UBASH3B: variants seen among roughly 807,000 people sequenced by gnomAD.
UBASH3B encodes ubiquitin associated and SH3 domain containing B, also known as ubiquitin-associated and SH3 domain-containing protein B.
UBASH3B carries 37 observed loss-of-function variants against 83.4 expected under a neutral mutation model. That is an observed-to-expected ratio of 0.44 (90% CI 0.34 to 0.58). The LOEUF is 0.58. Ranked by LOEUF, UBASH3B falls within the 20% of genes least tolerant of loss-of-function variation. UBASH3B has a pLI of 0.01. For synonymous variants in UBASH3B, 304 were observed against 318.3 expected (o/e 0.96, Z 0.48); for missense variants, 657 against 827.2 (o/e 0.79, Z 2.52).
intron 1 of UBASH3B, among the ~76,000 whole-genome samples, chr11:122,710,493 A>T (rs1864177467): frequency 6.6e-6 from 1 of 152,234 alleles, no homozygotes; most frequent in South Asian, 2.1e-4. Flanking sequence ...GCTCAGGGAC[A>T]TTAAGGACCA....
At chr11:122,724,561 G>A (rs1860698254) in intron 1 of UBASH3B, among the ~76,000 whole-genome samples, 1 of 152,166 alleles carries the variant, frequency 6.6e-6, no homozygotes, top group Non-Finnish European at 1.5e-5. Flanking sequence ...GGACTGCGGG[G>A]ACACAGAGGA....
intron 1 of UBASH3B, among the ~76,000 whole-genome samples, chr11:122,757,859 G>A (rs949835833): frequency 2.6e-5 from 4 of 151,872 alleles, no homozygotes; most frequent in South Asian, 2.1e-4. Flanking sequence ...GATTACAGGC[G>A]CCTGCCACCA....
At chr11:122,683,758 TGTGTGTGTGTGTGTGTGTGA>T (rs1863775006) in intron 1 of UBASH3B, among the ~76,000 whole-genome samples, 1 of 75,830 alleles carries the variant, frequency 1.3e-5, no homozygotes, top group South Asian at 4.7e-4. Context: ...TGTGTGTGTG[TGTGTGTGTGTGTGTGTGTGA>T]GCCAGGTTTC....
chr11:122,806,606 T>A lies in UBASH3B; in HGVS notation c.1702+90T>A, dbSNP rs1419207529. 42 of 1,380,748 alleles carry A rather than the reference T, an allele frequency of 3.0e-5. No individual in the cohort carries two copies. Among genetic ancestry groups the A allele is most frequent in the Non-Finnish European group, 3.8e-5 (40 of 1,065,212 alleles). 85.5% of individuals were successfully genotyped at this position (1,380,748 alleles called of 1,614,324 possible). On this transcript the variant is annotated intron_variant, in intron 12 of 13. Transcript: ENST00000284273. This position sits in a 1 kb window ranked among gnomAD's most constrained non-coding sequence, Gnocchi z 4.0. Reference sequence around the variant, plus strand: ...GTTATTCAAGATGTTTCAACTTGCTTTGGCTAACCAAAGAAATGTATTTCC... The same window carrying A: ...GTTATTCAAGATGTTTCAACTTGCTATGGCTAACCAAAGAAATGTATTTCC...
intron 1 of UBASH3B, among the ~76,000 whole-genome samples, chr11:122,687,438 C>T (rs1863823185): frequency 6.6e-6 from 1 of 152,228 alleles, no homozygotes; most frequent in South Asian, 2.1e-4. Flanking sequence ...CACTGGGCGT[C>T]CAGTGGGGAG....
intron 1 of UBASH3B, among the ~76,000 whole-genome samples, chr11:122,710,138 A>G (rs950303017): frequency 6.8e-6 from 1 of 147,034 alleles, no homozygotes; most frequent in African/African-American, 2.6e-5. Flanking sequence ...CCTGGGCGAC[A>G]GAGTGAGACT....
chr11:122,665,942 G>A (rs929091344), intron 1 of UBASH3B, among the ~76,000 whole-genome samples: 2 of 152,138 alleles, frequency 1.3e-5, no homozygotes, highest in Non-Finnish European at 2.9e-5. Context: ...GACACTTCCC[G>A]TTGTGCTCCC....
chr11:122,688,995 C>A (rs1863850641), intron 1 of UBASH3B, among the ~76,000 whole-genome samples: 1 of 144,130 alleles, frequency 6.9e-6, no homozygotes, highest in African/African-American at 2.7e-5. Context: ...GGGGGGGGTT[C>A]CACCATATTG....
intron 1 of UBASH3B, among the ~76,000 whole-genome samples, chr11:122,700,243 C>T (rs1000316455): frequency 1.3e-5 from 2 of 152,142 alleles, no homozygotes; most frequent in Non-Finnish European, 2.9e-5. Context: ...AGCACAAAGT[C>T]CCCAGTGCTG....
At chr11:122,778,842 T>A (rs753810134) in intron 3 of UBASH3B, among the ~76,000 whole-genome samples, 1 of 152,156 alleles carries the variant, frequency 6.6e-6, no homozygotes, top group Non-Finnish European at 1.5e-5. Flanking sequence ...AGTCCTCAAG[T>A]GATCTGCCCG....
At chr11:122,783,372 TCTGCTTGCCTCACTGGGAGGCTTC>T (rs1860892281) in intron 5 of UBASH3B, 150 bp downstream of exon 5, 7 of 942,600 alleles carry the variant, frequency 7.4e-6, no homozygotes, top group Non-Finnish European at 7.6e-6. Context: ...GTGTCCAGCC[TCTGCTTGCCTCACTGGGAGGCTTC>T]CAGCTTGCCT....
At chr11:122,800,470 C>T (rs1352882973) in intron 10 of UBASH3B, among the ~76,000 whole-genome samples, 1 of 150,746 alleles carries the variant, frequency 6.6e-6, no homozygotes, top group Non-Finnish European at 1.5e-5. Context: ...AGGAGAATTG[C>T]TTGAACCCAG....
intron 1 of UBASH3B, among the ~76,000 whole-genome samples, chr11:122,755,788 CTATT>C (rs1266635741): frequency 6.6e-6 from 1 of 152,144 alleles, no homozygotes; most frequent in Non-Finnish European, 1.5e-5. Context: ...GATTGGGTAT[CTATT>C]AAGATAAAAA....
chr11:122,743,950 C>T (rs1280046228), intron 1 of UBASH3B, among the ~76,000 whole-genome samples: 1 of 152,202 alleles, frequency 6.6e-6, no homozygotes, highest in East Asian at 1.9e-4. Context: ...ATCAGGGTGG[C>T]TGCATCAGAC....
intron 1 of UBASH3B, among the ~76,000 whole-genome samples, chr11:122,656,660 T>G (rs1300399472): frequency 6.6e-6 from 1 of 152,174 alleles, no homozygotes; most frequent in South Asian, 2.1e-4. Context: ...GGCGGGAGAC[T>G]GCGGGGCAGG....
intron 10 of UBASH3B, among the ~76,000 whole-genome samples, chr11:122,799,895 T>C (rs1861222232): frequency 1.3e-5 from 2 of 152,138 alleles, no homozygotes; most frequent in Admixed American, 1.3e-4. Flanking sequence ...TACCAAGAAA[T>C]GAATGAGCCA....
intron 5 of UBASH3B, 31 bp downstream of exon 5, chr11:122,783,253 C>T: frequency 6.2e-7 from 1 of 1,605,974 alleles, no homozygotes; most frequent in Non-Finnish European, 8.5e-7. Context: ...CAGAAGCTAC[C>T]AGGTGCAGGG....
chr11:122,685,675 C>T (rs1329086937), intron 1 of UBASH3B, among the ~76,000 whole-genome samples: 1 of 152,074 alleles, frequency 6.6e-6, no homozygotes, highest in African/African-American at 2.4e-5. Flanking sequence ...TGCCACAATG[C>T]CCAGCTAATT....
intron 1 of UBASH3B, among the ~76,000 whole-genome samples, chr11:122,767,837 A>G (rs1158544976): frequency 6.6e-6 from 1 of 152,182 alleles, no homozygotes; most frequent in Non-Finnish European, 1.5e-5. Context: ...GTGGGCAAGA[A>G]TGTTGCTCTG....
Sources: gnomAD v4.1 joint callset for allele counts (sites outside exome capture counted in the v4.1 genomes callset) on GRCh38, gnomAD v4.1.1 for gene constraint, Gnocchi (gnomAD v3.1) non-coding constraint, MANE v1.5 for transcripts, NCBI Gene and HGNC (gene_info 2026-07-23, HGNC 2026-07-21) for gene names.